YPEL2: variants seen among roughly 807,000 people sequenced by gnomAD.
The protein encoded by YPEL2 is protein yippee-like 2.
In YPEL2, 2 loss-of-function variants were observed where a neutral mutation model predicts 19.1. The observed-to-expected ratio is 0.10, with a 90% CI of 0.04 to 0.33. YPEL2 has a LOEUF of 0.33. YPEL2 is among the 10% of genes least tolerant of loss of function. The pLI, the probability that YPEL2 is intolerant of heterozygous loss-of-function variation, is 1.00. For synonymous variants in YPEL2, 52 were observed against 50.0 expected, an observed-to-expected ratio of 1.04 and a Z score of -0.17; for missense variants, 66 against 140.7, an observed-to-expected ratio of 0.47 and a Z score of 2.68.
At chr17:59,368,630 A>G (rs1175929797) in intron 2 of YPEL2, among the ~76,000 whole-genome samples, 1 of 152,204 alleles carries the variant, frequency 6.6e-6, no homozygotes. Flanking sequence ...GGCCAAGTCC[A>G]GGGACCACAG....
intron 1 of YPEL2, among the ~76,000 whole-genome samples, chr17:59,349,816 A>G (rs1010713016): frequency 1.3e-5 from 2 of 152,016 alleles, no homozygotes; most frequent in Non-Finnish European, 2.9e-5. Context: ...ACACGCCACC[A>G]TGCCCGGCTA....
chr17:59,336,269 A>G lies in YPEL2; in HGVS notation c.-196+4445A>G, dbSNP rs143992028. Among the ~76,000 whole-genome samples, 41 of 152,342 alleles carry G rather than the reference A, an allele frequency of 2.7e-4. 1 individual carries two copies. In the East Asian group the frequency reaches 7.5e-3, roughly 28 times the overall value. On this transcript the variant is annotated intron_variant, in intron 1 of 4. Coordinates refer to ENST00000312655, the MANE Select transcript of YPEL2 (RefSeq NM_001005404.4). ...ATTTCTGCTTTTCACAATAGTTTTC[A>G]TTCCTTTATTCCATTTATAGGTTGG...
At chr17:59,393,217 T>A (rs1273756904) in intron 4 of YPEL2, among the ~76,000 whole-genome samples, 1 of 152,068 alleles carries the variant, frequency 6.6e-6, no homozygotes, top group Non-Finnish European at 1.5e-5. Flanking sequence ...AGCCTCAACC[T>A]CCTGGACCCA....
At chr17:59,384,808 C>T (rs1482674258) in intron 2 of YPEL2, among the ~76,000 whole-genome samples, 2 of 152,164 alleles carry the variant, frequency 1.3e-5, no homozygotes, top group Non-Finnish European at 2.9e-5. Context: ...TTGTGTCTGG[C>T]AGAGAGTCAG....
chr17:59,378,166 A>ATC (rs1330053760), intron 2 of YPEL2, among the ~76,000 whole-genome samples: 3 of 151,836 alleles, frequency 2.0e-5, no homozygotes, highest in African/African-American at 7.3e-5. Flanking sequence ...ATCTTATAGG[A>ATC]TCTCTCTCTG....
intron 4 of YPEL2, among the ~76,000 whole-genome samples, chr17:59,392,515 T>G (rs1019502806): frequency 1.1e-4 from 16 of 146,422 alleles, no homozygotes; most frequent in African/African-American, 2.8e-4. Context: ...ACGTTTTTTT[T>G]TTTTTTTTTT....
In YPEL2 at chr17:59,401,313, T is replaced by A. The variant is rs945581121; in HGVS notation, c.*4123T>A. Reference sequence around the variant, plus strand: ...TAGAGGAAAGAGATATTTACTTTTTTAAAAATTAAAATAGTTATGAAATCT... The same window carrying A: ...TAGAGGAAAGAGATATTTACTTTTTAAAAAATTAAAATAGTTATGAAATCT... On this transcript the variant is annotated 3_prime_UTR_variant, in exon 5 of 5. Coordinates refer to ENST00000312655, the MANE Select transcript of YPEL2 (RefSeq NM_001005404.4). The A allele has an allele frequency of 4.6e-5, 7 of 152,612 alleles. No homozygotes were observed. Among genetic ancestry groups the A allele is most frequent in the African/African-American group, 1.7e-4 (7 of 41,452 alleles). The allele number at this position is 152,612 out of a possible 1,614,324, so 9.5% of individuals were successfully genotyped here.
At chr17:59,333,918 G>A (rs758413198) in intron 1 of YPEL2, among the ~76,000 whole-genome samples, 1 of 152,184 alleles carries the variant, frequency 6.6e-6, no homozygotes, top group Non-Finnish European at 1.5e-5. Context: ...AACAATGAAA[G>A]GTATTAACTT....
chr17:59,335,394 C>G (rs1240065071), intron 1 of YPEL2, among the ~76,000 whole-genome samples: 1 of 152,110 alleles, frequency 6.6e-6, no homozygotes, highest in Non-Finnish European at 1.5e-5. Context: ...TCCTACTCCC[C>G]CATCTTCTGC....
At chr17:59,343,749 C>T (rs960096646) in intron 1 of YPEL2, among the ~76,000 whole-genome samples, 2 of 152,040 alleles carry the variant, frequency 1.3e-5, no homozygotes, top group Non-Finnish European at 2.9e-5. Context: ...AGGGTTGGAC[C>T]ACATCTTGTA....
chr17:59,397,246 C>G lies in YPEL2; in HGVS notation c.*56C>G. The G allele has an allele frequency of 2.8e-6, 4 of 1,405,492 alleles. No homozygotes were observed. The highest frequency in any genetic ancestry group is 3.9e-6 in the Non-Finnish European group (4 of 1,030,002). 87.1% of individuals were successfully genotyped at this position (1,405,492 alleles called of 1,614,324 possible). On this transcript the variant is annotated 3_prime_UTR_variant, in exon 5 of 5. Coordinates refer to ENST00000312655, the MANE Select transcript of YPEL2 (RefSeq NM_001005404.4). Reference sequence around the variant, plus strand: ...CGTGAACGCCATTCAACCGAACATTCTTCCCAAGCGTGAGAGAGTGACTGA... The same window carrying G: ...CGTGAACGCCATTCAACCGAACATTGTTCCCAAGCGTGAGAGAGTGACTGA...
At chr17:59,338,031 C>T (rs571867195) in intron 1 of YPEL2, among the ~76,000 whole-genome samples, 7 of 152,314 alleles carry the variant, frequency 4.6e-5, no homozygotes, top group South Asian at 4.1e-4. Context: ...ATTCTGCTTG[C>T]GAGGTGCAGC....
chr17:59,347,852 G>GA (rs904169324), intron 1 of YPEL2, among the ~76,000 whole-genome samples: 18 of 152,268 alleles, frequency 1.2e-4, no homozygotes, highest in African/African-American at 4.3e-4. Context: ...TAGGAAAGAG[G>GA]AAAAATAGGA....
chr17:59,383,896 A>G (rs761020959), intron 2 of YPEL2, among the ~76,000 whole-genome samples: 32 of 151,896 alleles, frequency 2.1e-4, no homozygotes, highest in East Asian at 3.9e-4. Context: ...GGATATACCA[A>G]TCTATTTATC....
intron 1 of YPEL2, among the ~76,000 whole-genome samples, chr17:59,332,374 C>T (rs1184632458): frequency 1.3e-5 from 2 of 152,210 alleles, no homozygotes; most frequent in African/African-American, 4.8e-5. Context: ...TGCCCCGACC[C>T]GGGTCGAGGT....
At chr17:59,356,698 A>C (rs1026246572) in intron 2 of YPEL2, among the ~76,000 whole-genome samples, 1 of 152,362 alleles carries the variant, frequency 6.6e-6, no homozygotes, top group African/African-American at 2.4e-5. Flanking sequence ...TATAAACCAC[A>C]GAAGTTTATT....
chr17:59,344,977 A>G (rs2147936398), intron 1 of YPEL2, among the ~76,000 whole-genome samples: 1 of 152,286 alleles, frequency 6.6e-6, no homozygotes, highest in East Asian at 1.9e-4. Flanking sequence ...TTTTGGGATG[A>G]AACTGTTCCA....
In YPEL2 at chr17:59,394,720, T is replaced by C. The variant is rs952968002; in HGVS notation, c.271-2381T>C. Among the ~76,000 whole-genome samples the C allele has an allele frequency of 2.3e-4, 35 of 152,134 alleles. 1 individual carries two copies. Among genetic ancestry groups the C allele is most frequent in the Middle Eastern group, 6.8e-3 (2 of 294 alleles). On this transcript the variant is annotated intron_variant, in intron 4 of 4. Coordinates refer to ENST00000312655, the MANE Select transcript of YPEL2 (RefSeq NM_001005404.4). Reference sequence around the variant, plus strand: ...GGCAGAGGCTGCAATCTCGGCACTTTGGGAGGCCAAGGCAGGCGGCTGGGA... The same window carrying C: ...GGCAGAGGCTGCAATCTCGGCACTTCGGGAGGCCAAGGCAGGCGGCTGGGA...
chr17:59,359,113 G>A (rs768220956), intron 2 of YPEL2, among the ~76,000 whole-genome samples: 15 of 149,818 alleles, frequency 1.0e-4, no homozygotes, highest in Admixed American at 4.0e-4. Context: ...TAGTAGAGAC[G>A]GGATTTTGCC....
Sources: gnomAD v4.1 joint callset for allele counts (sites outside exome capture counted in the v4.1 genomes callset) on GRCh38, gnomAD v4.1.1 for gene constraint, MANE v1.5 for transcripts, NCBI Gene and HGNC (gene_info 2026-07-23, HGNC 2026-07-21) for gene names.